The following DDX17 variants were observed in gnomAD, a reference collection of about 807,000 sequenced individuals.
The protein encoded by DDX17 is DEAD-box helicase 17.
DDX17 carries 10 observed loss-of-function variants against 80.8 expected under a neutral mutation model. The observed-to-expected ratio is 0.12, with a 90% CI of 0.08 to 0.21. The LOEUF (loss-of-function observed/expected upper bound fraction) is 0.21, where lower values mean the gene tolerates loss of function less well. Ranked by LOEUF, DDX17 falls within the 10% of genes least tolerant of loss-of-function variation. The pLI, the probability that DDX17 is intolerant of heterozygous loss-of-function variation, is 1.00. For missense variants in DDX17, 586 were observed against 957.4 expected (o/e 0.61, Z 5.12); for synonymous variants, 339 against 336.2 (o/e 1.01, Z -0.09).
chr22:38,498,053 T>C, intron 5 of DDX17, 32 bp downstream of exon 5: 1 of 1,605,314 alleles, frequency 6.2e-7, no homozygotes, highest in African/African-American at 1.3e-5. Context: ...GTAGTTTTTC[T>C]TAGAATTACA....
intron 1 of DDX17, chr22:38,505,580 G>A (rs749622313): frequency 4.8e-5 from 11 of 230,090 alleles, no homozygotes; most frequent in Non-Finnish European, 8.3e-5. Flanking sequence ...GAGGCCTGGA[G>A]ACATCGAACA....
At position 38,487,909 on chromosome 22, in the gene DDX17, C is replaced by T. The variant is rs1412109977; in HGVS notation, c.1654G>A (p.Val552Met). 6.2e-7 allele frequency: 1 copy of T among 1,614,230 alleles called. No homozygotes were observed. The highest frequency in any genetic ancestry group is 8.5e-7 in the Non-Finnish European group (1 of 1,180,040). ...CCTCCGCCGCCTCCTCTGTGGTCCA[C>T]AAGCTGCATCAGTTTTGGATTGATA... is the stretch of plus-strand genomic sequence containing the variant. Residue 552 changes from valine to methionine, a missense_variant, in exon 12 of 13, where the codon GTG (valine) becomes ATG (methionine). This residue lies in a region of DDX17 where 221 missense variants were observed against 261.4 expected (regional missense o/e 0.85). Transcript: ENST00000403230.
chr22:38,493,916 C>A, intron 9 of DDX17, 105 bp downstream of exon 9: 2 of 1,175,476 alleles, frequency 1.7e-6, no homozygotes, highest in East Asian at 2.3e-5. Flanking sequence ...GAGCAAACTG[C>A]ATGGATAGGC....
Position 38,484,415 on chromosome 22 carries a change from G to T in DDX17, c.*1520C>A, listed in dbSNP as rs1033391396. The stretch of plus-strand genomic sequence containing the variant: ...CAGAAACCATCCCTCTCTCCCTAAA[G>T]AATTTTAAAAGGAAAACAAAACCTC... On this transcript the variant is annotated 3_prime_UTR_variant, in exon 13 of 13. Coordinates refer to ENST00000403230, the MANE Select transcript of DDX17 (RefSeq NM_006386.5). The T allele has an allele frequency of 1.3e-5, 2 of 152,180 alleles. No individual in the cohort carries two copies. The highest frequency in any genetic ancestry group is 2.9e-5 in the Non-Finnish European group (2 of 68,040). The allele number at this position is 152,180 out of a possible 1,614,324, so 9.4% of individuals were successfully genotyped here. A position where few individuals can be genotyped will look rare whatever the true frequency, so the allele number is the denominator to read the frequency against.
Position 38,485,958 on chromosome 22 carries a change from G to T in DDX17, c.2167C>A (p.Pro723Thr). 6.2e-7 allele frequency: 1 copy of T among 1,613,910 alleles called. No homozygotes were observed. Among genetic ancestry groups the T allele is most frequent in the East Asian group, 2.2e-5 (1 of 44,878 alleles). The change falls in exon 13 of 13, where the codon CCT (proline) becomes ACT (threonine). Residue 723 changes from proline (P) to threonine (T), a missense_variant. Transcript: ENST00000403230. The stretch of plus-strand genomic sequence containing the variant: ...TTTCATTTACGTGAAGGAGGAGGAG[G>T]GGGAGGAGGAGGAGGGTATTGGTAG...
At chr22:38,498,195 A>G (rs1395992106) in intron 4 of DDX17, 45 bp from the exon 5 acceptor site, 13 of 1,589,240 alleles carry the variant, frequency 8.2e-6, no homozygotes, top group Non-Finnish European at 1.1e-5. Context: ...TAGAAGTACA[A>G]TCTTACTTAG....
At chr22:38,501,372 G>T (rs1293165480) in intron 1 of DDX17, 92 bp from the exon 2 acceptor site, 4 of 1,414,178 alleles carry the variant, frequency 2.8e-6, no homozygotes, top group Admixed American at 2.8e-5. Context: ...GGAGTTCTAG[G>T]GATACTACCA....
At chr22:38,496,965 T>C (rs1367293330) in intron 5 of DDX17, among the ~76,000 whole-genome samples, 1 of 152,194 alleles carries the variant, frequency 6.6e-6, no homozygotes, top group Non-Finnish European at 1.5e-5. Flanking sequence ...ATATTGTACA[T>C]GTTCATAAAT....
chr22:38,485,878 GAC>G lies in DDX17; in HGVS notation c.*55_*56del, dbSNP rs749885253. 6.1e-5 allele frequency: 93 copies of G among 1,518,450 alleles called. No homozygotes were observed. The East Asian group carries it at 2.2e-3, about 35-fold the overall frequency. The allele number at this position is 1,518,450 out of a possible 1,614,324, so 94.1% of individuals were successfully genotyped here. ...AGGCGAAGAGGAAAAAAAAAGGAAAGACAGTGTTCCTTAAAATGTAATTAAGT... is the reference window on the plus strand; with the variant it reads ...AGGCGAAGAGGAAAAAAAAAGGAAAGAGTGTTCCTTAAAATGTAATTAAGT... On this transcript the variant is annotated 3_prime_UTR_variant, in exon 13 of 13. Coordinates refer to ENST00000403230, the MANE Select transcript of DDX17 (RefSeq NM_006386.5).
At position 38,486,071 on chromosome 22, in the gene DDX17, G is replaced by C. The variant is rs1383527757; in HGVS notation, c.2054C>G (p.Ser685Cys). The C allele has an allele frequency of 6.2e-7, 1 of 1,614,098 alleles. No individual in the cohort carries two copies. Among genetic ancestry groups the C allele is most frequent in the East Asian group, 2.2e-5 (1 of 44,866 alleles). The stretch of plus-strand genomic sequence containing the variant: ...CATCAGTGGCTGTGGCTGCTGCCCA[G>C]ACCGGCCTATCCCACTAAACTGCTG... Residue 685 changes from serine (S) to cysteine (C), a missense_variant, in exon 13 of 13, where the codon TCT (serine) becomes TGT (cysteine). This residue lies in a region of DDX17 where 221 missense variants were observed against 261.4 expected (regional missense o/e 0.85). Coordinates refer to ENST00000403230, the MANE Select transcript of DDX17 (RefSeq NM_006386.5).
Position 38,498,539 on chromosome 22 carries a change from A to G in DDX17, c.573T>C (p.Phe191=), listed in dbSNP as rs1318174422. 8 of 1,614,104 alleles carry G rather than the reference A, an allele frequency of 5.0e-6. No individual in the cohort carries two copies. In the South Asian group the frequency reaches 7.7e-5, roughly 16 times the overall value. The change falls in exon 4 of 13, where the codon TTT becomes TTC. Residue 191 remains phenylalanine (F), a synonymous_variant. Transcript: ENST00000403230. ...GGCACTGAATTGGAGTTGGTTCTGT[A>G]AAGTGCTGATCCATCAACACATCCA...
chr22:38,489,912 T>C lies in DDX17; in HGVS notation c.1448-1797A>G, dbSNP rs770755269. The C allele has an allele frequency of 1.9e-5, 19 of 989,466 alleles. No homozygotes were observed. In the African/African-American group the frequency reaches 2.6e-4, roughly 14 times the overall value. The allele number at this position is 989,466 out of a possible 1,614,324, so 61.3% of individuals were successfully genotyped here. A position where few individuals can be genotyped will look rare whatever the true frequency, so the allele number is the denominator to read the frequency against. ...GATAATGCTCCTTATGCAATCCCAC[T>C]GCATATGACCATGGCAGTAGAACAA... On this transcript the variant is annotated intron_variant, in intron 11 of 12. Transcript: ENST00000403230. The surrounding 1 kb of genome is among the most constrained non-coding windows in gnomAD (Gnocchi z 4.6).
At position 38,489,883 on chromosome 22, in the gene DDX17, C is replaced by T; in HGVS notation, c.1448-1768G>A. ...ATTCTACTCCATGGTATCTTCAGAG[C>T]TAGGATAATGCTCCTTATGCAATCC... On this transcript the variant is annotated intron_variant, in intron 11 of 12. Coordinates refer to ENST00000403230, the MANE Select transcript of DDX17 (RefSeq NM_006386.5). The surrounding 1 kb of genome is among the most constrained non-coding windows in gnomAD (Gnocchi z 4.6). 2 of 986,424 alleles carry T rather than the reference C, an allele frequency of 2.0e-6. No homozygotes were observed. Among genetic ancestry groups the T allele is most frequent in the Non-Finnish European group, 2.4e-6 (2 of 830,652 alleles). 61.1% of individuals were successfully genotyped at this position (986,424 alleles called of 1,614,324 possible). A position where few individuals can be genotyped will look rare whatever the true frequency, so the allele number is the denominator to read the frequency against.
intron 8 of DDX17, 39 bp downstream of exon 8, chr22:38,494,591 T>A: frequency 1.3e-6 from 2 of 1,596,948 alleles, no homozygotes; most frequent in Non-Finnish European, 1.7e-6. Flanking sequence ...AGAAAAGGTT[T>A]ATCAGCATTA....
In DDX17 at chr22:38,489,799, C is replaced by T. The variant is rs1284571030; in HGVS notation, c.1448-1684G>A. 4.7e-5 allele frequency: 46 copies of T among 985,246 alleles called. No individual in the cohort carries two copies. Among genetic ancestry groups the T allele is most frequent in the South Asian group, 9.4e-5 (2 of 21,292 alleles). 61.0% of individuals were successfully genotyped at this position (985,246 alleles called of 1,614,324 possible). ...TTGAGTCTCCGGCTAGGGTCGTTGA[C>T]GCAACAAAGGAAAAAAGAATTTACA... On this transcript the variant is annotated intron_variant, in intron 11 of 12. Coordinates refer to ENST00000403230, the MANE Select transcript of DDX17 (RefSeq NM_006386.5). This position sits in a 1 kb window ranked among gnomAD's most constrained non-coding sequence, Gnocchi z 4.6.
At position 38,486,109 on chromosome 22, in the gene DDX17, T is replaced by C; in HGVS notation, c.2016A>G (p.Ser672=). 1 of 1,614,186 alleles carries C rather than the reference T, an allele frequency of 6.2e-7. No homozygotes were observed. ...CACTAAACTGCTGGCTAGAGCTCTG[T>C]GAACTTCTCCCAGTTGAGGTGGTGC... Residue 672 remains serine (S), a synonymous_variant, in exon 13 of 13, where the codon TCA becomes TCG. Transcript: ENST00000403230.
Position 38,501,223 on chromosome 22 carries a change from C to T in DDX17, c.345G>A (p.Glu115=), listed in dbSNP as rs1475915635. 6.2e-7 allele frequency: 1 copy of T among 1,613,770 alleles called. No individual in the cohort carries two copies. The highest frequency in any genetic ancestry group is 8.5e-7 in the Non-Finnish European group (1 of 1,179,884). The change falls in exon 2 of 13, where the codon GAG becomes GAA. Residue 115 remains glutamate (E), a synonymous_variant. Transcript: ENST00000403230. ...AATCCCACTTTTTTTTACGCAAACGCTCCCCAGGATTACCAAATTTCTTCG... is the reference window on the plus strand; with the variant it reads ...AATCCCACTTTTTTTTACGCAAACGTTCCCCAGGATTACCAAATTTCTTCG...
chr22:38,502,877 C>T (rs1335475495), intron 1 of DDX17, among the ~76,000 whole-genome samples: 1 of 152,212 alleles, frequency 6.6e-6, no homozygotes. Context: ...TAAAGTTCCA[C>T]TTTATCATTG....
intron 10 of DDX17, 69 bp from the exon 11 acceptor site, chr22:38,492,184 G>A: frequency 7.5e-7 from 1 of 1,341,930 alleles, no homozygotes; most frequent in East Asian, 2.4e-5. Context: ...ACATAACCAT[G>A]TTAAAATTTC....
Sources: allele counts gnomAD v4.1 joint callset (sites outside exome capture counted in the v4.1 genomes callset), GRCh38; gene constraint gnomAD v4.1.1; regional missense constraint gnomAD v4.1.1; non-coding constraint Gnocchi (gnomAD v3.1); transcripts MANE v1.5; gene names NCBI Gene and HGNC (gene_info 2026-07-23, HGNC 2026-07-21).